Variants in FRMD5 observed in about 807,000 individuals in gnomAD.
FRMD5 encodes FERM domain-containing protein 5.
In FRMD5, 20 loss-of-function variants were observed where a neutral mutation model predicts 69.0. The ratio of observed to expected loss-of-function variants is 0.29; its 90% CI spans 0.20 to 0.42. The LOEUF (loss-of-function observed/expected upper bound fraction) is 0.42. Among genes scored for constraint, FRMD5 ranks in the 10% least tolerant of loss-of-function variants. The probability of loss-of-function intolerance (pLI) is 1.00; values close to 1 mark genes in which losing one functional copy is unlikely to be tolerated. For missense variants in FRMD5, 595 were observed against 708.6 expected (o/e 0.84, Z 1.82); for synonymous variants, 271 against 260.1 (o/e 1.04, Z -0.40).
chr15:44,121,524 C>A (rs2076950754), intron 1 of FRMD5, among the ~76,000 whole-genome samples: 1 of 152,046 alleles, frequency 6.6e-6, no homozygotes, highest in South Asian at 2.1e-4. Context: ...GATCTGTAGT[C>A]CCCAATGAGT....
chr15:44,065,469 C>G (rs1392073291), intron 1 of FRMD5, among the ~76,000 whole-genome samples: 2 of 152,234 alleles, frequency 1.3e-5, no homozygotes, highest in African/African-American at 4.8e-5. Context: ...TCACCCAACC[C>G]AAACAGGTAA....
intron 13 of FRMD5, among the ~76,000 whole-genome samples, chr15:43,880,718 G>C (rs2088501925): frequency 1.3e-5 from 2 of 152,216 alleles, no homozygotes; most frequent in South Asian, 4.1e-4. Context: ...CAGGGTGTGA[G>C]AAGCACCTGG....
chr15:43,906,823 G>A (rs189251210), intron 5 of FRMD5, among the ~76,000 whole-genome samples: 13 of 150,016 alleles, frequency 8.7e-5, no homozygotes, highest in South Asian at 4.2e-4. Context: ...GGATGGTCTC[G>A]ATCTCCTGAC....
At chr15:43,985,333 G>C (rs1338540315) in intron 1 of FRMD5, among the ~76,000 whole-genome samples, 1 of 146,408 alleles carries the variant, frequency 6.8e-6, no homozygotes, top group Non-Finnish European at 1.5e-5. Context: ...ATCAGTTCTA[G>C]TTCCTACTCT....
chr15:43,935,096 A>G (rs1223145350), intron 1 of FRMD5, among the ~76,000 whole-genome samples: 1 of 152,188 alleles, frequency 6.6e-6, no homozygotes, highest in Non-Finnish European at 1.5e-5. Flanking sequence ...GACAAGTACC[A>G]TTGGGTCCCT....
intron 1 of FRMD5, among the ~76,000 whole-genome samples, chr15:44,103,244 TAGAAGGAGCTCTGTC>T (rs1268114431): frequency 6.6e-6 from 1 of 152,130 alleles, no homozygotes; most frequent in African/African-American, 2.4e-5. Context: ...CAGGTCAGTA[TAGAAGGAGCTCTGTC>T]AGAATCCAAA....
chr15:43,889,982 C>T (rs1206049398), intron 8 of FRMD5, among the ~76,000 whole-genome samples: 1 of 152,154 alleles, frequency 6.6e-6, no homozygotes, highest in East Asian at 1.9e-4. Flanking sequence ...GGAAAAAGTT[C>T]AGGGGACAGA....
intron 2 of FRMD5, 35 bp downstream of exon 2, chr15:43,924,170 C>T (rs2089542238): frequency 6.8e-7 from 1 of 1,465,686 alleles, no homozygotes; most frequent in Non-Finnish European, 9.6e-7. Flanking sequence ...ATTGACTAGC[C>T]CTGTCCTCCT....
At chr15:44,005,868 A>T (rs1890423319) in intron 1 of FRMD5, among the ~76,000 whole-genome samples, 1 of 152,212 alleles carries the variant, frequency 6.6e-6, no homozygotes, top group Admixed American at 6.5e-5. Context: ...AGGGACACAC[A>T]TTCAAACCAT....
At position 44,101,203 on chromosome 15, in the gene FRMD5, T is replaced by C. The variant is rs975640912; in HGVS notation, c.102+93750A>G. The stretch of plus-strand genomic sequence containing the variant: ...GAAAAAAGAAAAGAAGGAAATAAAC[T>C]AGTCTTTCCCACTCTGTGATGCCAG... On this transcript the variant is annotated intron_variant, in intron 1 of 13. Coordinates refer to ENST00000417257, the MANE Select transcript of FRMD5 (RefSeq NM_032892.5). 2.0e-5 allele frequency among the ~76,000 whole-genome samples: 3 copies of C among 151,058 alleles called. No homozygotes were observed. In the East Asian group the frequency reaches 5.8e-4, roughly 29 times the overall value.
chr15:44,111,211 G>C (rs905741626), intron 1 of FRMD5, among the ~76,000 whole-genome samples: 3 of 152,130 alleles, frequency 2.0e-5, no homozygotes, highest in Non-Finnish European at 2.9e-5. Flanking sequence ...GACTGCTCCT[G>C]AACATCTGGC....
At chr15:43,997,820 T>C (rs1890005940) in intron 1 of FRMD5, among the ~76,000 whole-genome samples, 1 of 152,202 alleles carries the variant, frequency 6.6e-6, no homozygotes, top group African/African-American at 2.4e-5. Context: ...TCCATATGAC[T>C]TGTGTTGTTT....
chr15:44,170,577 G>T (rs1466840258), intron 1 of FRMD5, among the ~76,000 whole-genome samples: 1 of 150,980 alleles, frequency 6.6e-6, no homozygotes, highest in Non-Finnish European at 1.5e-5. Context: ...TACATGGAAA[G>T]AAATCCCCGT....
chr15:43,878,627 G>C (rs1217930815), intron 13 of FRMD5, among the ~76,000 whole-genome samples: 1 of 152,220 alleles, frequency 6.6e-6, no homozygotes, highest in Non-Finnish European at 1.5e-5. Flanking sequence ...CCTGGTTGCA[G>C]CATATTGCTT....
intron 7 of FRMD5, among the ~76,000 whole-genome samples, chr15:43,901,220 G>A (rs1051607582): frequency 2.0e-5 from 3 of 152,082 alleles, no homozygotes; most frequent in Admixed American, 6.6e-5. Flanking sequence ...AACCAACCCT[G>A]CTGACACCTT....
At chr15:43,970,793 T>C (rs1172356597) in intron 1 of FRMD5, among the ~76,000 whole-genome samples, 1 of 152,208 alleles carries the variant, frequency 6.6e-6, no homozygotes, top group Non-Finnish European at 1.5e-5. Flanking sequence ...AGAGCATTTC[T>C]TAGGTAAATG....
rs569604071 is a variant in FRMD5 at position 44,123,592 on chromosome 15, A to T, written c.102+71361T>A. ...TAGAATTAAATATTTTTTAAAAAATAAAGAAACCAGAAAATCAACTTTTAT... is the reference window on the plus strand; with the variant it reads ...TAGAATTAAATATTTTTTAAAAAATTAAGAAACCAGAAAATCAACTTTTAT... On this transcript the variant is annotated intron_variant, in intron 1 of 13. Coordinates refer to ENST00000417257, the MANE Select transcript of FRMD5 (RefSeq NM_032892.5). Among the ~76,000 whole-genome samples the T allele has an allele frequency of 2.6e-5, 4 of 152,300 alleles. No homozygotes were observed. The East Asian group carries it at 7.7e-4, about 29-fold the overall frequency.
In FRMD5 at chr15:44,047,554, T is replaced by C. The variant is rs1892483068; in HGVS notation, c.103-123245A>G. Among the ~76,000 whole-genome samples, 4 of 152,308 alleles carry C rather than the reference T, an allele frequency of 2.6e-5. No individual in the cohort carries two copies. The South Asian group carries it at 8.3e-4, about 32-fold the overall frequency. ...ACAAACATCTATGACAAACAATTCT[T>C]TTTCAAAAATGGATTTATTGAGATA... is the stretch of plus-strand genomic sequence containing the variant. On this transcript the variant is annotated intron_variant, in intron 1 of 13. Transcript: ENST00000417257.
In FRMD5 at chr15:43,914,723, CTTTT is replaced by C. The variant is rs533023960; in HGVS notation, c.329+4732_329+4735del. Among the ~76,000 whole-genome samples the C allele has an allele frequency of 5.1e-4, 56 of 109,366 alleles. 4 individuals are homozygous for C. Among genetic ancestry groups the C allele is most frequent in the African/African-American group, 2.9e-3 (54 of 18,582 alleles). The allele number at this position is 109,366 out of a possible 152,430, so 71.7% of individuals were successfully genotyped here. A position where few individuals can be genotyped will look rare whatever the true frequency, so the allele number is the denominator to read the frequency against. On this transcript the variant is annotated intron_variant, in intron 4 of 13. Transcript: ENST00000417257. Reference sequence around the variant, plus strand: ...CCCAGCAACTCTATGAGGTGACTACCTTTTTTTTTTTTTTTTTTTTTGAGATGGA... The same window carrying C: ...CCCAGCAACTCTATGAGGTGACTACCTTTTTTTTTTTTTTTTTGAGATGGA...
Sources: gnomAD v4.1 joint callset for allele counts (sites outside exome capture counted in the v4.1 genomes callset) on GRCh38, gnomAD v4.1.1 for gene constraint, MANE v1.5 for transcripts, NCBI Gene and HGNC (gene_info 2026-07-23, HGNC 2026-07-21) for gene names.